SAMD4A: variants seen among roughly 807,000 people sequenced by gnomAD.
SAMD4A encodes the protein sterile alpha motif domain containing 4A.
Under a neutral mutation model 81.3 loss-of-function variants are expected in SAMD4A, and 33 were observed. The ratio of observed to expected loss-of-function variants is 0.41; its 90% CI spans 0.31 to 0.54. The LOEUF (loss-of-function observed/expected upper bound fraction) is 0.54. Ranked by LOEUF, SAMD4A falls within the 20% of genes least tolerant of loss-of-function variation. The probability of loss-of-function intolerance (pLI) is 0.37; values close to 1 mark genes in which losing one functional copy is unlikely to be tolerated. For missense variants in SAMD4A, 854 were observed against 951.1 expected (o/e 0.90, Z 1.34); for synonymous variants, 389 against 382.1 (o/e 1.02, Z -0.21).
At chr14:54,775,197 C>T (rs1297251740) in intron 10 of SAMD4A, 62 bp downstream of exon 10, 3 of 1,589,836 alleles carry the variant, frequency 1.9e-6, no homozygotes, top group East Asian at 2.2e-5. Flanking sequence ...CTGCAGATGT[C>T]CCCCCAGGTG....
chr14:54,723,103 GA>G (rs5808793), intron 3 of SAMD4A, among the ~76,000 whole-genome samples: 49,373 of 150,390 alleles, frequency 0.33, 8,445 homozygotes, highest in Middle Eastern at 0.43. Flanking sequence ...TTTTTAAATA[GA>G]AAAAAAAAAA....
In SAMD4A at chr14:54,700,992, A is replaced by ATTTTTTT. The variant is rs1555344776; in HGVS notation, c.197-1070_197-1069insTTTTTTT. ...AGTTGCACACCACTGTGAAACGGTGAATTTTTTTTTTTTTTTTTTTTTTGA... is the reference window on the plus strand; with the variant it reads ...AGTTGCACACCACTGTGAAACGGTGATTTTTTTATTTTTTTTTTTTTTTTTTTTTTGA... On this transcript the variant is annotated intron_variant, in intron 2 of 12. Transcript: ENST00000554335. 3 of 121,654 alleles carry ATTTTTTT rather than the reference A, an allele frequency of 2.5e-5. 1 individual carries two copies. The highest frequency in any genetic ancestry group is 3.0e-5 in the African/African-American group (1 of 33,778). The allele number at this position is 121,654 out of a possible 1,614,324, so 7.5% of individuals were successfully genotyped here. A position where few individuals can be genotyped will look rare whatever the true frequency, so the allele number is the denominator to read the frequency against.
chr14:54,659,026 C>T (rs1397545433), intron 2 of SAMD4A, among the ~76,000 whole-genome samples: 1 of 152,094 alleles, frequency 6.6e-6, no homozygotes, highest in African/African-American at 2.4e-5. Flanking sequence ...CTCACAGGGC[C>T]CTTGAGGGCT....
chr14:54,757,155 G>A (rs2038260882), intron 6 of SAMD4A, among the ~76,000 whole-genome samples: 1 of 152,122 alleles, frequency 6.6e-6, no homozygotes, highest in Non-Finnish European at 1.5e-5. Context: ...ACTCTGTTTT[G>A]AGTTCAGGAA....
At chr14:54,734,825 G>C (rs1054798982) in intron 3 of SAMD4A, 1 of 152,214 alleles carries the variant, frequency 6.6e-6, no homozygotes, top group Non-Finnish European at 1.5e-5. Flanking sequence ...AACCTCCCGT[G>C]GTTAGCGATT....
chr14:54,732,020 G>A (rs2037569183), intron 3 of SAMD4A, among the ~76,000 whole-genome samples: 1 of 152,118 alleles, frequency 6.6e-6, no homozygotes, highest in Non-Finnish European at 1.5e-5. Flanking sequence ...AACAATTGAA[G>A]GTATACAGCA....
chr14:54,719,471 G>C (rs1009197670), intron 3 of SAMD4A, among the ~76,000 whole-genome samples: 3 of 152,132 alleles, frequency 2.0e-5, no homozygotes, highest in Non-Finnish European at 4.4e-5. Context: ...AGGCGGCCTG[G>C]TTTCTAGGAT....
chr14:54,764,742 T>G (rs2038491496), intron 8 of SAMD4A, among the ~76,000 whole-genome samples: 1 of 152,174 alleles, frequency 6.6e-6, no homozygotes, highest in Non-Finnish European at 1.5e-5. Context: ...GTCCAAAGAT[T>G]TGCCCAGACT....
At chr14:54,626,185 C>CTGT (rs1273357744) in intron 2 of SAMD4A, among the ~76,000 whole-genome samples, 4 of 152,088 alleles carry the variant, frequency 2.6e-5, no homozygotes, top group Non-Finnish European at 5.9e-5. Flanking sequence ...AATTAACATC[C>CTGT]TGTTTTAGCA....
At position 54,760,200 on chromosome 14, in the gene SAMD4A, G is replaced by C. The variant is rs1566624280; in HGVS notation, c.1216G>C (p.Glu406Gln). 6.2e-7 allele frequency: 1 copy of C among 1,613,250 alleles called. No homozygotes were observed. Reference protein sequence around the residue: ...EGGSLRIPLQELHQMILTPIK... With the variant: ...EGGSLRIPLQQLHQMILTPIK... Reference sequence around the variant, plus strand: ...GGGCAGCCTGCGCATCCCGCTCCAGGAACTGCACCAGATGATCCTGACTCC... The same window carrying C: ...GGGCAGCCTGCGCATCCCGCTCCAGCAACTGCACCAGATGATCCTGACTCC... The change falls in exon 7 of 13, where the codon GAA (glutamate) becomes CAA (glutamine). Residue 406 changes from glutamate (E) to glutamine (Q), a missense_variant. Physicochemically the swap from Glu to Gln is conservative, Grantham distance 29. This residue lies in a region of SAMD4A where 428 missense variants were observed against 471.2 expected (regional missense o/e 0.91). Coordinates refer to ENST00000554335, the MANE Select transcript of SAMD4A (RefSeq NM_015589.6).
intron 3 of SAMD4A, among the ~76,000 whole-genome samples, chr14:54,728,369 G>A (rs1161278954): frequency 6.6e-6 from 1 of 152,214 alleles, no homozygotes; most frequent in African/African-American, 2.4e-5. Flanking sequence ...GTAAGAGGCT[G>A]AAGGTGAAGT....
intron 2 of SAMD4A, among the ~76,000 whole-genome samples, chr14:54,598,269 G>A (rs1382081663): frequency 6.6e-6 from 1 of 152,118 alleles, no homozygotes; most frequent in Admixed American, 6.5e-5. Context: ...ATGTTATACT[G>A]TCCACCAAGC....
chr14:54,769,915 A>G (rs2038656723), intron 8 of SAMD4A, among the ~76,000 whole-genome samples, 189 bp from the exon 9 acceptor site: 2 of 152,184 alleles, frequency 1.3e-5, no homozygotes, highest in African/African-American at 4.8e-5. Flanking sequence ...CGCACCTCCA[A>G]TGTCAGATAA....
At chr14:54,728,823 C>G (rs550741206) in intron 3 of SAMD4A, among the ~76,000 whole-genome samples, 1 of 152,256 alleles carries the variant, frequency 6.6e-6, no homozygotes, top group African/African-American at 2.4e-5. Context: ...TCAGAGAAAT[C>G]CTAGTCATGC....
intron 2 of SAMD4A, among the ~76,000 whole-genome samples, chr14:54,598,679 C>T (rs913225193): frequency 6.6e-6 from 1 of 152,130 alleles, no homozygotes; most frequent in African/African-American, 2.4e-5. Flanking sequence ...TTAAAGGAAA[C>T]ATAAGCTCAC....
chr14:54,655,577 CA>C (rs34612233), intron 2 of SAMD4A, among the ~76,000 whole-genome samples: 74,265 of 148,530 alleles, frequency 0.5, 18,762 homozygotes, highest in East Asian at 0.78. Flanking sequence ...ACTAAAAATA[CA>C]AAAAAAAAAA....
chr14:54,664,605 C>A (rs910141629), intron 2 of SAMD4A, among the ~76,000 whole-genome samples: 3 of 151,816 alleles, frequency 2.0e-5, no homozygotes, highest in African/African-American at 7.3e-5. Context: ...CTGTCCCCCA[C>A]CCCCTCTCTT....
At chr14:54,641,470 T>G (rs2035172320) in intron 2 of SAMD4A, among the ~76,000 whole-genome samples, 1 of 152,212 alleles carries the variant, frequency 6.6e-6, no homozygotes, top group Non-Finnish European at 1.5e-5. Context: ...ATAGTCTCTT[T>G]GTCTCTTTTT....
Position 54,567,657 on chromosome 14 carries a change from G to GTTT in SAMD4A, c.-251_-249dup. Reference sequence around the variant, plus strand: ...CCTTGTGGGGGATTTTTAAAAAGTCGTTTTTTTTTTTAAAGAAACATTTCC... The same window carrying GTTT: ...CCTTGTGGGGGATTTTTAAAAAGTCGTTTTTTTTTTTTTTAAAGAAACATTTCC... On this transcript the variant is annotated 5_prime_UTR_variant, in exon 2 of 13. Transcript: ENST00000554335. 2.4e-6 allele frequency: 1 copy of GTTT among 409,418 alleles called. No homozygotes were observed. Among genetic ancestry groups the GTTT allele is most frequent in the South Asian group, 3.3e-5 (1 of 29,886 alleles). The allele number at this position is 409,418 out of a possible 1,614,324, so 25.4% of individuals were successfully genotyped here. A position where few individuals can be genotyped will look rare whatever the true frequency, so the allele number is the denominator to read the frequency against.
Sources: allele counts gnomAD v4.1 joint callset (sites outside exome capture counted in the v4.1 genomes callset), GRCh38; gene constraint gnomAD v4.1.1; regional missense constraint gnomAD v4.1.1; transcripts MANE v1.5; gene names NCBI Gene and HGNC (gene_info 2026-07-23, HGNC 2026-07-21).